Variants in ADCY2 observed in about 807,000 individuals in gnomAD.
The protein encoded by ADCY2 is adenylate cyclase type 2.
Under a neutral mutation model 125.2 loss-of-function variants are expected in ADCY2, and 31 were observed. The observed-to-expected ratio is 0.25, with a 90% CI of 0.19 to 0.33. ADCY2 has a LOEUF of 0.33. Among genes scored for constraint, ADCY2 ranks in the 10% least tolerant of loss-of-function variants. The pLI, the probability that ADCY2 is intolerant of heterozygous loss-of-function variation, is 1.00. For synonymous variants in ADCY2, 512 were observed against 548.4 expected, an observed-to-expected ratio of 0.93 and a Z score of 0.93; for missense variants, 904 against 1,418.2, an observed-to-expected ratio of 0.64 and a Z score of 5.82.
chr5:7,598,113 G>A (rs769982408), intron 3 of ADCY2, among the ~76,000 whole-genome samples: 2 of 152,210 alleles, frequency 1.3e-5, no homozygotes, highest in Non-Finnish European at 2.9e-5. Context: ...GCATGAGAGA[G>A]GCCACCTTTT....
chr5:7,680,236 G>A (rs903736327), intron 4 of ADCY2, among the ~76,000 whole-genome samples: 3 of 152,148 alleles, frequency 2.0e-5, no homozygotes, highest in African/African-American at 7.2e-5. Context: ...CTGACCTCTG[G>A]TGGGTAAAGG....
intron 1 of ADCY2, among the ~76,000 whole-genome samples, chr5:7,402,687 A>T (rs576905780): frequency 2.9e-4 from 44 of 152,344 alleles, no homozygotes; most frequent in African/African-American, 1.0e-3. Context: ...GAACCAAGTC[A>T]CTTCTGAAAA....
chr5:7,453,245 A>C (rs1741539608), intron 2 of ADCY2, among the ~76,000 whole-genome samples: 1 of 152,132 alleles, frequency 6.6e-6, no homozygotes, highest in South Asian at 2.1e-4. Context: ...TTTAGATTTA[A>C]GTCTTTGATC....
chr5:7,421,644 G>A (rs183774423), intron 2 of ADCY2, among the ~76,000 whole-genome samples: 1 of 152,284 alleles, frequency 6.6e-6, no homozygotes, highest in Admixed American at 6.5e-5. Context: ...AACTGACAAC[G>A]GTTCCCTAAG....
At chr5:7,616,988 T>G (rs547292950) in intron 3 of ADCY2, among the ~76,000 whole-genome samples, 1 of 152,148 alleles carries the variant, frequency 6.6e-6, no homozygotes, top group African/African-American at 2.4e-5. Flanking sequence ...CTGAAACTCA[T>G]GTTGAAGTTT....
chr5:7,397,339 G>A (rs1235115464), intron 1 of ADCY2, among the ~76,000 whole-genome samples: 1 of 151,992 alleles, frequency 6.6e-6, no homozygotes, highest in African/African-American at 2.4e-5. Flanking sequence ...TCTGTAGATG[G>A]CGATAACTTC....
intron 2 of ADCY2, among the ~76,000 whole-genome samples, chr5:7,500,173 G>A (rs1743509825): frequency 6.6e-6 from 1 of 152,190 alleles, no homozygotes; most frequent in Admixed American, 6.5e-5. Context: ...TCCAAGGAGA[G>A]TCAAAGCTAG....
intron 3 of ADCY2, among the ~76,000 whole-genome samples, chr5:7,558,280 A>G (rs758487196): frequency 4.6e-5 from 7 of 152,042 alleles, no homozygotes; most frequent in Non-Finnish European, 8.8e-5. Flanking sequence ...CTGGAGCTCC[A>G]GGGATCAAGG....
intron 3 of ADCY2, among the ~76,000 whole-genome samples, chr5:7,603,002 C>T (rs967111809): frequency 1.3e-5 from 2 of 152,154 alleles, no homozygotes; most frequent in African/African-American, 4.8e-5. Flanking sequence ...TGGAGGAGCC[C>T]ATTGGCTTTG....
In ADCY2 at chr5:7,649,322, A is replaced by G. The variant is rs114211379; in HGVS notation, c.720+23006A>G. Among the ~76,000 whole-genome samples, 254 of 152,344 alleles carry G rather than the reference A, an allele frequency of 1.7e-3. 1 individual carries two copies. The highest frequency in any genetic ancestry group is 4.7e-3 in the African/African-American group (194 of 41,582). On this transcript the variant is annotated intron_variant, in intron 4 of 24. Coordinates refer to ENST00000338316, the MANE Select transcript of ADCY2 (RefSeq NM_020546.3). ...CATTGCATTTATTTATGGATGCATCATCAGTTTATAGCAAGCACAGCTGAG... is the reference window on the plus strand; with the variant it reads ...CATTGCATTTATTTATGGATGCATCGTCAGTTTATAGCAAGCACAGCTGAG...
At position 7,766,741 on chromosome 5, in the gene ADCY2, A is replaced by G. The variant is rs768691352; in HGVS notation, c.2149A>G (p.Thr717Ala). Residue 717 changes from threonine (T) to alanine (A), a missense_variant, in exon 17 of 25, where the codon ACA becomes GCA. Physicochemically the swap from Thr to Ala is moderately conservative, Grantham distance 58. Coordinates refer to ENST00000338316, the MANE Select transcript of ADCY2 (RefSeq NM_020546.3). ...CCCTCCAACTGCCAACACAACAAAC[A>G]CAAGCTTTTCAGCCTCAAATAATCA... ...TIPPTANTTN[T>A]SFSASNNQVA... is the part of the protein sequence containing the mutation. 4.3e-6 allele frequency: 7 copies of G among 1,612,598 alleles called. No individual in the cohort carries two copies. Among genetic ancestry groups the G allele is most frequent in the African/African-American group, 1.3e-5 (1 of 74,818 alleles).
chr5:7,624,556 A>G (rs1361405334), intron 3 of ADCY2, among the ~76,000 whole-genome samples: 3 of 152,106 alleles, frequency 2.0e-5, no homozygotes, highest in Non-Finnish European at 4.4e-5. Flanking sequence ...GAGGGTTCAT[A>G]TCCTTTTCCC....
rs566915094 is a variant in ADCY2, at chr5:7,609,666, A to G, written c.571-16501A>G. On this transcript the variant is annotated intron_variant, in intron 3 of 24. Transcript: ENST00000338316. Reference sequence around the variant, plus strand: ...TAGAGCAGAACATGAAAGACAGACAATAAGCAGATGGAGAAATGCAAAACA... The same window carrying G: ...TAGAGCAGAACATGAAAGACAGACAGTAAGCAGATGGAGAAATGCAAAACA... Among the ~76,000 whole-genome samples the G allele has an allele frequency of 3.3e-5, 5 of 152,362 alleles. No homozygotes were observed. In the South Asian group the frequency reaches 1.0e-3, roughly 32 times the overall value.
intron 5 of ADCY2, chr5:7,691,699 CA>C (rs1337084581): frequency 1.3e-5 from 2 of 152,266 alleles, no homozygotes; most frequent in Non-Finnish European, 2.9e-5. Flanking sequence ...TTCATCCACT[CA>C]GTATGTTAAT....
intron 4 of ADCY2, among the ~76,000 whole-genome samples, chr5:7,668,266 G>A (rs1276112080): frequency 6.6e-6 from 1 of 152,166 alleles, no homozygotes; most frequent in East Asian, 1.9e-4. Flanking sequence ...ATGCGGGTGA[G>A]CCTCATCCAT....
intron 10 of ADCY2, among the ~76,000 whole-genome samples, chr5:7,712,587 A>G (rs7704763): frequency 0.47 from 71,075 of 152,078 alleles, 18,181 homozygotes; most frequent in Non-Finnish European, 0.58. Context: ...CTGATAATAC[A>G]GGCTATAAAT....
intron 2 of ADCY2, among the ~76,000 whole-genome samples, chr5:7,417,162 T>G (rs960247905): frequency 1.3e-5 from 2 of 152,214 alleles, no homozygotes; most frequent in African/African-American, 4.8e-5. Context: ...TTCTGATTAC[T>G]TTTTGTTCCT....
intron 5 of ADCY2, 27 bp from the exon 6 acceptor site, chr5:7,695,725 G>C: frequency 7.1e-7 from 1 of 1,415,872 alleles, no homozygotes; most frequent in South Asian, 1.3e-5. Flanking sequence ...GGAAAACTCT[G>C]TCTCCTCACC....
At position 7,626,897 on chromosome 5, in the gene ADCY2, C is replaced by G. The variant is rs143551945; in HGVS notation, c.720+581C>G. ...CTAAACTGTAATAGAGAGTTATGAT[C>G]AAAAGAGCAAAGATTGCATCTTCCC... On this transcript the variant is annotated intron_variant, in intron 4 of 24. Coordinates refer to ENST00000338316, the MANE Select transcript of ADCY2 (RefSeq NM_020546.3). Among the ~76,000 whole-genome samples, 1,188 of 152,214 alleles carry G rather than the reference C, an allele frequency of 7.8e-3. 65 individuals carry two copies. Among genetic ancestry groups the G allele is most frequent in the Admixed American group, 0.072 (1,098 of 15,292 alleles).
Sources: gnomAD v4.1 joint callset for allele counts (sites outside exome capture counted in the v4.1 genomes callset) on GRCh38, gnomAD v4.1.1 for gene constraint, MANE v1.5 for transcripts, NCBI Gene and HGNC (gene_info 2026-07-23, HGNC 2026-07-21) for gene names.